Variants in SUPT3H observed in about 807,000 individuals in gnomAD.
SUPT3H encodes SPT3 homolog, SAGA and STAGA complex component.
SUPT3H carries 44 observed loss-of-function variants against 44.3 expected under a neutral mutation model. That is an observed-to-expected ratio of 0.99 (90% CI 0.78 to 1.28). SUPT3H has a LOEUF of 1.28. SUPT3H is among the 50% of genes most tolerant of loss of function. The pLI is 0.00. For missense variants in SUPT3H, 380 were observed against 387.1 expected (o/e 0.98, Z 0.15); for synonymous variants, 124 against 125.6 (o/e 0.99, Z 0.09).
chr6:45,139,834 G>A (rs1458836870), intron 2 of SUPT3H, among the ~76,000 whole-genome samples: 1 of 152,148 alleles, frequency 6.6e-6, no homozygotes, highest in Non-Finnish European at 1.5e-5. Flanking sequence ...GGCGGTCACA[G>A]GGTGAACGAA....
At chr6:45,171,322 CATT>C (rs1810736013) in intron 2 of SUPT3H, among the ~76,000 whole-genome samples, 1 of 152,108 alleles carries the variant, frequency 6.6e-6, no homozygotes, top group Admixed American at 6.5e-5. Context: ...CCTTATTTAA[CATT>C]ATAAATTGTG....
At chr6:45,362,511 T>G (rs1794440767) in intron 2 of SUPT3H, among the ~76,000 whole-genome samples, 1 of 152,086 alleles carries the variant, frequency 6.6e-6, no homozygotes, top group South Asian at 2.1e-4. Context: ...GTATATTGAG[T>G]CTAATTTTAT....
intron 2 of SUPT3H, among the ~76,000 whole-genome samples, chr6:45,193,906 T>A (rs1314483081): frequency 6.6e-6 from 1 of 152,222 alleles, no homozygotes; most frequent in Non-Finnish European, 1.5e-5. Context: ...TTTGAAATTT[T>A]AAGTATTTTA....
intron 2 of SUPT3H, among the ~76,000 whole-genome samples, chr6:45,341,674 C>G (rs892031440): frequency 5.3e-5 from 8 of 152,114 alleles, no homozygotes; most frequent in Non-Finnish European, 1.2e-4. Flanking sequence ...AAAATGTATA[C>G]ACATGAAAAT....
chr6:45,014,229 T>G (rs1031320938), intron 5 of SUPT3H, among the ~76,000 whole-genome samples: 2 of 151,978 alleles, frequency 1.3e-5, no homozygotes, highest in African/African-American at 4.8e-5. Flanking sequence ...AGGGGGAAGA[T>G]TTGAAATGAA....
chr6:44,856,505 G>A (rs1299877564), intron 10 of SUPT3H, among the ~76,000 whole-genome samples: 1 of 152,166 alleles, frequency 6.6e-6, no homozygotes, highest in East Asian at 1.9e-4. Context: ...ATGCATTTAT[G>A]GAAATACAGT....
chr6:44,980,550 T>G (rs1487351656), intron 6 of SUPT3H, among the ~76,000 whole-genome samples: 1 of 152,172 alleles, frequency 6.6e-6, no homozygotes, highest in Non-Finnish European at 1.5e-5. Flanking sequence ...TCTTTCTTCT[T>G]GTTTGGTCTA....
At chr6:44,899,914 A>G (rs945848177) in intron 10 of SUPT3H, among the ~76,000 whole-genome samples, 5 of 152,216 alleles carry the variant, frequency 3.3e-5, no homozygotes, top group Non-Finnish European at 5.9e-5. Context: ...ATGTAGATGG[A>G]GACAACCTTC....
chr6:45,033,331 T>G (rs1054597752), intron 3 of SUPT3H, among the ~76,000 whole-genome samples: 2 of 152,160 alleles, frequency 1.3e-5, no homozygotes, highest in Non-Finnish European at 2.9e-5. Context: ...TTAAAAAATC[T>G]ATTATTTTTA....
At chr6:45,026,985 C>CTTTT (rs34588777) in intron 3 of SUPT3H, among the ~76,000 whole-genome samples, 10 of 87,498 alleles carry the variant, frequency 1.1e-4, no homozygotes, top group East Asian at 4.1e-4. Context: ...GCTTTGGATC[C>CTTTT]TTTTTTTTTT....
chr6:45,161,255 C>G (rs755269350), intron 2 of SUPT3H, among the ~76,000 whole-genome samples: 2 of 152,100 alleles, frequency 1.3e-5, no homozygotes, highest in African/African-American at 4.8e-5. Context: ...CAAGAACAGA[C>G]TAACACAGTA....
chr6:45,235,918 A>C (rs768214641), intron 2 of SUPT3H, among the ~76,000 whole-genome samples: 3 of 152,156 alleles, frequency 2.0e-5, no homozygotes, highest in Non-Finnish European at 4.4e-5. Context: ...GCTTTCCTAA[A>C]CCACAAATAA....
chr6:45,059,373 G>A (rs2153541063), intron 3 of SUPT3H, among the ~76,000 whole-genome samples: 1 of 152,168 alleles, frequency 6.6e-6, no homozygotes, highest in South Asian at 2.1e-4. Flanking sequence ...AAAGGCCTTT[G>A]ATAAAATTCA....
intron 2 of SUPT3H, among the ~76,000 whole-genome samples, chr6:45,151,776 A>G (rs1807006306): frequency 6.6e-6 from 1 of 152,154 alleles, no homozygotes; most frequent in Non-Finnish European, 1.5e-5. Flanking sequence ...TTGTCTACCA[A>G]TAGGCTAGCT....
intron 2 of SUPT3H, among the ~76,000 whole-genome samples, chr6:45,310,128 T>C (rs1209666532): frequency 6.6e-6 from 1 of 152,198 alleles, no homozygotes; most frequent in East Asian, 1.9e-4. Flanking sequence ...TTCAGTTCGC[T>C]TGGGAGCTAA....
In SUPT3H at chr6:45,278,295, A is replaced by T. The variant is rs563755676; in HGVS notation, c.101+86906T>A. Reference sequence around the variant, plus strand: ...TATCCCAGAACTAAAAGTATAATTTAAAAAAAAAGAAAATATACTTTAATG... The same window carrying T: ...TATCCCAGAACTAAAAGTATAATTTTAAAAAAAAGAAAATATACTTTAATG... On this transcript the variant is annotated intron_variant, in intron 2 of 10. Transcript: ENST00000371459. Among the ~76,000 whole-genome samples the T allele has an allele frequency of 3.9e-3, 587 of 151,712 alleles. 2 individuals carry two copies. Among genetic ancestry groups the T allele is most frequent in the Non-Finnish European group, 5.9e-3 (402 of 67,856 alleles).
At position 44,827,496 on chromosome 6, in the gene SUPT3H, C is replaced by G. The variant is rs1347674232; in HGVS notation, c.*2320G>C. The stretch of plus-strand genomic sequence containing the variant: ...ATCTTAGGAAACTCACTTTCCCTCT[C>G]TAGGCCATGGTTTTTTCATTTGCAA... On this transcript the variant is annotated 3_prime_UTR_variant, in exon 11 of 11. Coordinates refer to ENST00000371459, the MANE Select transcript of SUPT3H (RefSeq NM_003599.4). Among the ~76,000 whole-genome samples, 1 of 152,032 alleles carries G rather than the reference C, an allele frequency of 6.6e-6. No individual in the cohort carries two copies. Among genetic ancestry groups the G allele is most frequent in the Non-Finnish European group, 1.5e-5 (1 of 67,956 alleles).
At chr6:44,881,778 A>C (rs147850674) in intron 10 of SUPT3H, among the ~76,000 whole-genome samples, 3,409 of 152,300 alleles carry the variant, frequency 0.022, 136 homozygotes, top group African/African-American at 0.077. Flanking sequence ...CCTGCTCCTG[A>C]ATGACTACTG....
At chr6:44,865,591 G>T (rs1294009026) in intron 10 of SUPT3H, among the ~76,000 whole-genome samples, 1 of 152,020 alleles carries the variant, frequency 6.6e-6, no homozygotes, top group Non-Finnish European at 1.5e-5. Flanking sequence ...AATGAAACAG[G>T]TTTTCCCTTA....
Sources: allele counts gnomAD v4.1 joint callset (sites outside exome capture counted in the v4.1 genomes callset), GRCh38; gene constraint gnomAD v4.1.1; transcripts MANE v1.5; gene names NCBI Gene and HGNC (gene_info 2026-07-23, HGNC 2026-07-21).